The following WWOX variants were observed in gnomAD, a reference collection of about 807,000 sequenced individuals.
WWOX encodes WW domain-containing oxidoreductase.
WWOX carries 69 observed loss-of-function variants against 46.2 expected under a neutral mutation model. The observed-to-expected ratio is 1.49, with a 90% CI of 1.23 to 1.82. The LOEUF is 1.82. WWOX is among the 40% of genes most tolerant of loss of function. The pLI is 0.00. For missense variants in WWOX, 919 were observed against 542.6 expected (o/e 1.69, Z -6.89); for synonymous variants, 359 against 202.6 (o/e 1.77, Z -6.56).
chr16:78,563,642 T>G (rs1244870765), intron 8 of WWOX, among the ~76,000 whole-genome samples: 1 of 151,916 alleles, frequency 6.6e-6, no homozygotes, highest in African/African-American at 2.4e-5. Flanking sequence ...TTGAATAAAC[T>G]ATATTAAATT....
At chr16:78,228,004 A>G (rs1205137754) in intron 5 of WWOX, among the ~76,000 whole-genome samples, 1 of 152,106 alleles carries the variant, frequency 6.6e-6, no homozygotes, top group Non-Finnish European at 1.5e-5. Flanking sequence ...CCACACCAAC[A>G]TGGTCTATGG....
At chr16:78,772,140 C>G (rs1422558373) in intron 8 of WWOX, among the ~76,000 whole-genome samples, 2 of 152,246 alleles carry the variant, frequency 1.3e-5, no homozygotes, top group East Asian at 3.9e-4. Flanking sequence ...TTTCATCACC[C>G]AGGTAATAAG....
chr16:78,309,211 A>C (rs1459548197), intron 5 of WWOX, among the ~76,000 whole-genome samples: 2 of 152,228 alleles, frequency 1.3e-5, no homozygotes, highest in African/African-American at 4.8e-5. Flanking sequence ...TGAATCATAT[A>C]CTCCCGATAG....
intron 8 of WWOX, among the ~76,000 whole-genome samples, chr16:79,158,894 C>T (rs1174343447): frequency 1.1e-4 from 16 of 152,222 alleles, no homozygotes; most frequent in Admixed American, 1.0e-3. Flanking sequence ...ATTTTCACTG[C>T]TGTAGTCCCA....
At chr16:78,923,950 C>A (rs1446621827) in intron 8 of WWOX, among the ~76,000 whole-genome samples, 1 of 151,912 alleles carries the variant, frequency 6.6e-6, no homozygotes, top group Non-Finnish European at 1.5e-5. Context: ...CAGGTGCCCG[C>A]CACCACGCCT....
intron 5 of WWOX, among the ~76,000 whole-genome samples, chr16:78,353,939 C>T (rs1055033361): frequency 7.9e-5 from 12 of 152,344 alleles, no homozygotes; most frequent in Non-Finnish European, 1.5e-4. Flanking sequence ...CTTAAGTGAA[C>T]ATCTGTCTAA....
intron 8 of WWOX, chr16:78,899,179 T>C (rs1398264602): frequency 6.6e-6 from 1 of 152,180 alleles, no homozygotes; most frequent in Non-Finnish European, 1.5e-5. Flanking sequence ...TTCTCTATTA[T>C]ATGTGATGCT....
At chr16:79,084,015 C>A (rs972200202) in intron 8 of WWOX, among the ~76,000 whole-genome samples, 3 of 152,096 alleles carry the variant, frequency 2.0e-5, no homozygotes, top group Non-Finnish European at 4.4e-5. Context: ...TTTGGTTAAC[C>A]ACTCGCATCA....
intron 5 of WWOX, among the ~76,000 whole-genome samples, chr16:78,202,646 AC>A (rs1374481109): frequency 1.3e-5 from 2 of 152,200 alleles, no homozygotes; most frequent in Non-Finnish European, 2.9e-5. Context: ...ATTTCATTCG[AC>A]TGGAGTACCA....
chr16:78,619,466 C>G (rs1271360965), intron 8 of WWOX, among the ~76,000 whole-genome samples: 1 of 151,192 alleles, frequency 6.6e-6, no homozygotes, highest in Non-Finnish European at 1.5e-5. Context: ...GACCCGCACC[C>G]ACATGTTATA....
At chr16:79,014,237 G>C (rs954247097) in intron 8 of WWOX, among the ~76,000 whole-genome samples, 6 of 152,166 alleles carry the variant, frequency 3.9e-5, no homozygotes, top group Non-Finnish European at 7.3e-5. Context: ...GGGAGTAGTG[G>C]TTAGGGTGGT....
intron 8 of WWOX, among the ~76,000 whole-genome samples, chr16:78,476,741 C>T (rs1239283550): frequency 3.9e-5 from 6 of 152,074 alleles, no homozygotes; most frequent in Non-Finnish European, 7.4e-5. Context: ...CAGTTGAAGA[C>T]CTAAATGAGT....
intron 8 of WWOX, among the ~76,000 whole-genome samples, chr16:78,733,629 C>T (rs1008996326): frequency 2.0e-5 from 3 of 151,118 alleles, no homozygotes; most frequent in African/African-American, 4.9e-5. Context: ...GTGGTGTGTG[C>T]CTGTAGTTCC....
At chr16:78,189,830 T>C (rs961096205) in intron 5 of WWOX, among the ~76,000 whole-genome samples, 1 of 152,050 alleles carries the variant, frequency 6.6e-6, no homozygotes. Flanking sequence ...AATTTTTGTA[T>C]GTTTAGTAGA....
At chr16:78,875,725 A>G (rs2044221297) in intron 8 of WWOX, among the ~76,000 whole-genome samples, 1 of 152,180 alleles carries the variant, frequency 6.6e-6, no homozygotes, top group Non-Finnish European at 1.5e-5. Flanking sequence ...TTCCTAGTCG[A>G]TTACAACTGT....
intron 8 of WWOX, among the ~76,000 whole-genome samples, chr16:78,715,615 G>A (rs1446124294): frequency 6.6e-6 from 1 of 152,056 alleles, no homozygotes; most frequent in East Asian, 1.9e-4. Flanking sequence ...GAGTAGCTGG[G>A]ATTACAGGCA....
At chr16:78,814,548 G>C (rs1173621846) in intron 8 of WWOX, among the ~76,000 whole-genome samples, 2 of 152,016 alleles carry the variant, frequency 1.3e-5, no homozygotes, top group Non-Finnish European at 2.9e-5. Flanking sequence ...AGGTTGCAGT[G>C]ATGGCGTGGA....
At chr16:78,882,844 G>C (rs62036239) in intron 8 of WWOX, among the ~76,000 whole-genome samples, 1 of 151,800 alleles carries the variant, frequency 6.6e-6, no homozygotes, top group Non-Finnish European at 1.5e-5. Context: ...AAAAAAAAGG[G>C]CATTAATGCA....
At chr16:78,512,508 T>C (rs2085385289) in intron 8 of WWOX, among the ~76,000 whole-genome samples, 1 of 152,194 alleles carries the variant, frequency 6.6e-6, no homozygotes, top group Admixed American at 6.5e-5. Context: ...TTAATTGTAT[T>C]TACTTAGCAT....
Sources: gnomAD v4.1 joint callset for allele counts (sites outside exome capture counted in the v4.1 genomes callset) on GRCh38, gnomAD v4.1.1 for gene constraint, MANE v1.5 for transcripts, NCBI Gene and HGNC (gene_info 2026-07-23, HGNC 2026-07-21) for gene names.